The following UBE2W variants were observed in gnomAD, a reference collection of about 807,000 sequenced individuals.
UBE2W encodes the protein ubiquitin conjugating enzyme E2 W.
A neutral mutation model predicts 27.2 loss-of-function variants in UBE2W; 18 were observed. The observed-to-expected ratio is 0.66, with a 90% confidence interval of 0.46 to 0.98. The LOEUF is 0.98. UBE2W is among the 50% of genes least tolerant of loss of function. The probability of loss-of-function intolerance (pLI) is 0.00; values close to 1 mark genes in which losing one functional copy is unlikely to be tolerated. For missense variants in UBE2W, 90 were observed against 180.2 expected (o/e 0.50, Z 2.87); for synonymous variants, 53 against 57.2 (o/e 0.93, Z 0.33).
At chr8:73,867,198 C>T (rs1200444726) in intron 1 of UBE2W, among the ~76,000 whole-genome samples, 2 of 151,454 alleles carry the variant, frequency 1.3e-5, no homozygotes, top group South Asian at 4.2e-4. Context: ...GCCAGGAGTT[C>T]GAGACCAGCC....
downstream of UBE2W, among the ~76,000 whole-genome samples, chr8:73,785,187 C>A (rs1807914369): frequency 6.6e-6 from 1 of 152,152 alleles, no homozygotes; most frequent in Admixed American, 6.5e-5. Context: ...TGCTCTGTCA[C>A]CCAGGCTGGA....
intron 1 of UBE2W, among the ~76,000 whole-genome samples, chr8:73,840,917 G>A (rs1455703337): frequency 1.3e-5 from 2 of 152,142 alleles, no homozygotes; most frequent in African/African-American, 4.8e-5. Flanking sequence ...CTCACATTTT[G>A]TAAAGTTTTA....
chr8:73,825,126 A>T, intron 3 of UBE2W, 21 bp downstream of exon 3: 1 of 1,498,844 alleles, frequency 6.7e-7, no homozygotes, highest in South Asian at 1.3e-5. Context: ...CAAAAAAAAA[A>T]ATTTAAAGCA....
intron 1 of UBE2W, among the ~76,000 whole-genome samples, chr8:73,867,311 C>T (rs542378016): frequency 6.6e-6 from 1 of 152,186 alleles, no homozygotes; most frequent in South Asian, 2.1e-4. Context: ...CTGAGGCGGA[C>T]GGATCACAAG....
Position 73,788,009 on chromosome 8 carries a change from T to C in UBE2W, c.*6093A>G, listed in dbSNP as rs1808031764. On this transcript the variant is annotated 3_prime_UTR_variant, in exon 6 of 6. Coordinates refer to ENST00000602593, the MANE Select transcript of UBE2W (RefSeq NM_018299.6). ...TTGGAAATGGACATGTTCCTGTTTCTATAATCCTTTAAAATTCAGTCTTTT... is the reference window on the plus strand; with the variant it reads ...TTGGAAATGGACATGTTCCTGTTTCCATAATCCTTTAAAATTCAGTCTTTT... 2 of 985,482 alleles carry C rather than the reference T, an allele frequency of 2.0e-6. No homozygotes were observed. The highest frequency in any genetic ancestry group is 2.4e-6 in the Non-Finnish European group (2 of 829,936). 61.0% of individuals were successfully genotyped at this position (985,482 alleles called of 1,614,324 possible).
chr8:73,789,791 T>C lies in UBE2W; in HGVS notation c.*4311A>G, dbSNP rs983365992. ...AGGTGGAGATTGAAATGAGCCAAGA[T>C]CGTGCACTGCACTAAAGCCCGGGTG... On this transcript the variant is annotated 3_prime_UTR_variant, in exon 6 of 6. Transcript: ENST00000602593. The C allele has an allele frequency of 1.9e-6, 1 of 526,538 alleles. No homozygotes were observed. The highest frequency in any genetic ancestry group is 2.4e-6 in the Non-Finnish European group (1 of 411,164). The allele number at this position is 526,538 out of a possible 1,614,324, so 32.6% of individuals were successfully genotyped here.
chr8:73,827,992 C>T (rs572698063), intron 2 of UBE2W, among the ~76,000 whole-genome samples: 3 of 152,294 alleles, frequency 2.0e-5, no homozygotes, highest in South Asian at 4.1e-4. Flanking sequence ...CCTATACCAT[C>T]GAAGCCTATA....
chr8:73,803,852 C>T (rs931017370), intron 5 of UBE2W, among the ~76,000 whole-genome samples: 2 of 151,602 alleles, frequency 1.3e-5, no homozygotes, highest in East Asian at 1.9e-4. Flanking sequence ...CTATGAGCTC[C>T]GCCTCCTGGG....
At chr8:73,796,061 CAAAAAAAAAAAAA>C (rs34660612) in intron 5 of UBE2W, 1 of 65,688 alleles carries the variant, frequency 1.5e-5, no homozygotes, top group African/African-American at 6.7e-5. Flanking sequence ...ACACCATCTC[CAAAAAAAAAAAAA>C]AAAAAAAAAA....
At position 73,810,607 on chromosome 8, in the gene UBE2W, A is replaced by G; in HGVS notation, c.233T>C (p.Ile78Thr). ...SPQVMFTGEN[I>T]PVHPHVYSNG... ...GCTATAAACATGAGGATGAACAGGAATATTTTCACCAGTAAACATGACCTA... is the reference window on the plus strand; with the variant it reads ...GCTATAAACATGAGGATGAACAGGAGTATTTTCACCAGTAAACATGACCTA... Residue 78 changes from isoleucine to threonine, a missense_variant, in exon 4 of 6, where the codon ATT (isoleucine) becomes ACT (threonine). Physicochemically the swap from Ile to Thr is moderately conservative, Grantham distance 89. Coordinates refer to ENST00000602593, the MANE Select transcript of UBE2W (RefSeq NM_018299.6). The G allele has an allele frequency of 6.2e-7, 1 of 1,604,142 alleles. No homozygotes were observed. Among genetic ancestry groups the G allele is most frequent in the Non-Finnish European group, 8.5e-7 (1 of 1,176,290 alleles).
At chr8:73,784,348 A>C (rs1289646734), downstream of UBE2W, among the ~76,000 whole-genome samples, 2 of 152,176 alleles carry the variant, frequency 1.3e-5, no homozygotes, top group Non-Finnish European at 2.9e-5. Flanking sequence ...CTTGAGACTC[A>C]GTAGGCATTC....
At chr8:73,874,254 AC>A (rs1812124191) in intron 1 of UBE2W, among the ~76,000 whole-genome samples, 3 of 152,098 alleles carry the variant, frequency 2.0e-5, no homozygotes, top group Admixed American at 1.3e-4. Context: ...ACACAGTGAA[AC>A]CCCGTCTCTA....
intron 1 of UBE2W, among the ~76,000 whole-genome samples, chr8:73,865,180 C>CAGAAAAAAAAAAA (rs1811700102): frequency 3.0e-5 from 1 of 32,856 alleles, no homozygotes; most frequent in African/African-American, 8.4e-5. Flanking sequence ...GTGCAAACGT[C>CAGAAAAAAAAAAA]AAAAAAAAAA....
At chr8:73,825,283 T>G (rs1394551854) in intron 2 of UBE2W, 34 bp from the exon 3 acceptor site, 4 of 1,453,342 alleles carry the variant, frequency 2.8e-6, no homozygotes, top group Non-Finnish European at 3.8e-6. Context: ...AAACTTAAGA[T>G]AATAGAGACT....
At chr8:73,795,562 AT>A (rs1808377495) in intron 5 of UBE2W, among the ~76,000 whole-genome samples, 1 of 152,156 alleles carries the variant, frequency 6.6e-6, no homozygotes, top group Non-Finnish European at 1.5e-5. Flanking sequence ...CACAAAACAG[AT>A]TAATACACTA....
intron 3 of UBE2W, 76 bp downstream of exon 3, chr8:73,825,070 GT>G: frequency 1.1e-6 from 1 of 870,878 alleles, no homozygotes; most frequent in Non-Finnish European, 1.8e-6. Context: ...TGATTTATAT[GT>G]TTTTACTGAG....
intron 1 of UBE2W, among the ~76,000 whole-genome samples, chr8:73,840,835 A>G (rs1177806728): frequency 1.3e-5 from 2 of 152,220 alleles, no homozygotes; most frequent in African/African-American, 4.8e-5. Flanking sequence ...TCAAGGCTCT[A>G]CTGTACTATA....
chr8:73,810,668 T>C, intron 3 of UBE2W, 39 bp from the exon 4 acceptor site: 2 of 1,474,558 alleles, frequency 1.4e-6, no homozygotes, highest in Middle Eastern at 1.8e-4. Context: ...TCAAATATTC[T>C]CTACTACCAA....
In UBE2W at chr8:73,835,060, A is replaced by G. The variant is rs531145222; in HGVS notation, c.16-4588T>C. Among the ~76,000 whole-genome samples, 26 of 152,290 alleles carry G rather than the reference A, an allele frequency of 1.7e-4. No homozygotes were observed. The South Asian group carries it at 5.4e-3, about 32-fold the overall frequency. ...AAATCTTCCAGATCTTGAGAACTTT[A>G]CTAAGTCAAGAAGGATAATCCTTCT... On this transcript the variant is annotated intron_variant, in intron 1 of 5. Coordinates refer to ENST00000602593, the MANE Select transcript of UBE2W (RefSeq NM_018299.6).
Sources: allele counts gnomAD v4.1 joint callset (sites outside exome capture counted in the v4.1 genomes callset), GRCh38; gene constraint gnomAD v4.1.1; transcripts MANE v1.5; gene names NCBI Gene and HGNC (gene_info 2026-07-23, HGNC 2026-07-21).